TLE4: variants seen among roughly 807,000 people sequenced by gnomAD.
The protein encoded by TLE4 is TLE family member 4, transcriptional corepressor.
In TLE4, 8 loss-of-function variants were observed where a neutral mutation model predicts 92.8. The observed-to-expected ratio is 0.09, with a 90% CI of 0.05 to 0.16. TLE4 has a LOEUF of 0.16. TLE4 is among the 10% of genes least tolerant of loss of function. The pLI is 1.00. For synonymous variants in TLE4, 371 were observed against 374.1 expected (o/e 0.99, Z 0.10); for missense variants, 675 against 997.6 (o/e 0.68, Z 4.36).
chr9:79,726,182 G>A lies in TLE4; in HGVS notation c.*1038G>A, dbSNP rs2076361753. Reference sequence around the variant, plus strand: ...ACACAAAGAATGGACTCTCTCCTGGGATGAGGACTTGCTTTCTTTACCTCC... The same window carrying A: ...ACACAAAGAATGGACTCTCTCCTGGAATGAGGACTTGCTTTCTTTACCTCC... On this transcript the variant is annotated 3_prime_UTR_variant, in exon 20 of 20. Coordinates refer to ENST00000376552, the MANE Select transcript of TLE4 (RefSeq NM_007005.6). 6.6e-6 allele frequency: 1 copy of A among 152,656 alleles called. No homozygotes were observed. Among genetic ancestry groups the A allele is most frequent in the African/African-American group, 2.4e-5 (1 of 41,446 alleles). 9.5% of individuals were successfully genotyped at this position (152,656 alleles called of 1,614,324 possible). A position where few individuals can be genotyped will look rare whatever the true frequency, so the allele number is the denominator to read the frequency against.
At chr9:79,628,948 A>C (rs2053458808) in intron 6 of TLE4, among the ~76,000 whole-genome samples, 1 of 151,850 alleles carries the variant, frequency 6.6e-6, no homozygotes, top group Admixed American at 6.6e-5. Context: ...ACGTGTGTGC[A>C]CAAGTGCAGG....
intron 8 of TLE4, among the ~76,000 whole-genome samples, chr9:79,665,232 C>G (rs1310558046): frequency 2.6e-5 from 4 of 152,234 alleles, no homozygotes; most frequent in Admixed American, 2.6e-4. Context: ...GACTTTGAAA[C>G]CTGTTGGTAT....
intron 8 of TLE4, among the ~76,000 whole-genome samples, chr9:79,670,965 T>G (rs961234265): frequency 3.9e-5 from 6 of 152,246 alleles, no homozygotes; most frequent in Middle Eastern, 3.4e-3. Context: ...TTAAATTAAC[T>G]TGCATTCCAC....
intron 5 of TLE4, among the ~76,000 whole-genome samples, chr9:79,613,140 CT>C (rs1424566934): frequency 1.3e-5 from 2 of 152,098 alleles, no homozygotes; most frequent in East Asian, 3.9e-4. Flanking sequence ...AGTAAACAAA[CT>C]AATGAAGCTT....
At chr9:79,689,458 G>A (rs2066589267) in intron 8 of TLE4, among the ~76,000 whole-genome samples, 1 of 152,080 alleles carries the variant, frequency 6.6e-6, no homozygotes, top group African/African-American at 2.4e-5. Flanking sequence ...CTGAGGATGG[G>A]CAATTATCTC....
At chr9:79,636,092 C>T (rs1242364211) in intron 6 of TLE4, among the ~76,000 whole-genome samples, 1 of 152,046 alleles carries the variant, frequency 6.6e-6, no homozygotes. Flanking sequence ...TTTCATTCTA[C>T]ACACAGCAGC....
chr9:79,670,194 G>GA lies in TLE4; in HGVS notation c.609+16129dup, dbSNP rs989081191. Among the ~76,000 whole-genome samples the GA allele has an allele frequency of 1.2e-3, 160 of 135,528 alleles. 1 individual carries two copies. Among genetic ancestry groups the GA allele is most frequent in the African/African-American group, 3.1e-3 (113 of 36,848 alleles). The allele number at this position is 135,528 out of a possible 152,430, so 88.9% of individuals were successfully genotyped here. The stretch of plus-strand genomic sequence containing the variant: ...AGTAAAATGAGTAACAGTTAAATAA[G>GA]AAAAAAAAAAGAAAGAAAAAAAAAC... On this transcript the variant is annotated intron_variant, in intron 8 of 19. Transcript: ENST00000376552.
chr9:79,572,767 G>A lies in TLE4; in HGVS notation c.-24G>A. The A allele has an allele frequency of 6.3e-7, 1 of 1,597,262 alleles. No individual in the cohort carries two copies. The highest frequency in any genetic ancestry group is 8.5e-7 in the Non-Finnish European group (1 of 1,172,748). On this transcript the variant is annotated 5_prime_UTR_variant, in exon 1 of 20. Transcript: ENST00000376552. ...CCAATGAGCCGCGCGCCTCTGCCGA[G>A]CGCAGCCAACTAAATCGGCTTGGAT...
At chr9:79,668,796 A>G (rs2061805022) in intron 8 of TLE4, 2 of 985,040 alleles carry the variant, frequency 2.0e-6, no homozygotes, top group South Asian at 9.4e-5. Context: ...TAAACAAAAT[A>G]CTCTTTTGTA....
At chr9:79,594,474 A>G (rs2043459739) in intron 4 of TLE4, among the ~76,000 whole-genome samples, 1 of 151,846 alleles carries the variant, frequency 6.6e-6, no homozygotes, top group African/African-American at 2.4e-5. Context: ...CTTAAGCTCC[A>G]TCCAGACTCA....
At chr9:79,625,315 G>A (rs1264429924) in intron 5 of TLE4, among the ~76,000 whole-genome samples, 1 of 152,002 alleles carries the variant, frequency 6.6e-6, no homozygotes, top group Non-Finnish European at 1.5e-5. Flanking sequence ...CACCGCGCCC[G>A]GCCTTAAATC....
chr9:79,637,618 G>A (rs972501901), intron 6 of TLE4, among the ~76,000 whole-genome samples: 3 of 152,192 alleles, frequency 2.0e-5, no homozygotes, highest in African/African-American at 7.2e-5. Flanking sequence ...AGTCTAAATT[G>A]TCTGAATTAT....
intron 4 of TLE4, among the ~76,000 whole-genome samples, chr9:79,590,716 A>C (rs2042329491): frequency 6.6e-6 from 1 of 152,260 alleles, no homozygotes; most frequent in South Asian, 2.1e-4. Flanking sequence ...CCTTCTTCCC[A>C]GATTAGATTT....
At chr9:79,652,043 A>C (rs1459881385) in intron 6 of TLE4, among the ~76,000 whole-genome samples, 3 of 152,156 alleles carry the variant, frequency 2.0e-5, no homozygotes, top group Non-Finnish European at 4.4e-5. Context: ...TCACCACTTA[A>C]AAATTAAATT....
chr9:79,690,064 C>A (rs983266347), intron 8 of TLE4, among the ~76,000 whole-genome samples: 2 of 151,814 alleles, frequency 1.3e-5, no homozygotes, highest in African/African-American at 4.8e-5. Flanking sequence ...TGTCTCATTC[C>A]AACCATGACC....
At chr9:79,651,272 G>A (rs1180785659) in intron 6 of TLE4, among the ~76,000 whole-genome samples, 2 of 151,972 alleles carry the variant, frequency 1.3e-5, no homozygotes, top group East Asian at 3.9e-4. Flanking sequence ...TGAGTTGAAG[G>A]GATTCCTATT....
rs887719722 is a variant in TLE4, at chr9:79,653,049, A to T, written c.592+255A>T. The T allele has an allele frequency of 1.8e-4, 95 of 522,482 alleles. No homozygotes were observed. In the Admixed American group the frequency reaches 2.2e-3, roughly 12 times the overall value. The allele number at this position is 522,482 out of a possible 1,614,324, so 32.4% of individuals were successfully genotyped here. ...TGCCTTTGATTTCTTGCTACCTTCT[A>T]TGTTCCCCAGGTCTAAATCAGTAAT... is the stretch of plus-strand genomic sequence containing the variant. On this transcript the variant is annotated intron_variant, in intron 7 of 19. Transcript: ENST00000376552.
In TLE4 at chr9:79,706,905, C is replaced by T; in HGVS notation, c.936+6C>T. On this transcript the variant is annotated splice_donor_region_variant and intron_variant, in intron 11 of 19. Transcript: ENST00000376552. ...AATCCAAAGAACTTAGCCTTGTAAGCAGCTCCTTACCATCTCTCTGAGTGT... is the reference window on the plus strand; with the variant it reads ...AATCCAAAGAACTTAGCCTTGTAAGTAGCTCCTTACCATCTCTCTGAGTGT... The T allele has an allele frequency of 2.5e-6, 4 of 1,613,658 alleles. No homozygotes were observed. The highest frequency in any genetic ancestry group is 3.4e-6 in the Non-Finnish European group (4 of 1,179,782).
intron 4 of TLE4, among the ~76,000 whole-genome samples, chr9:79,607,355 G>T (rs533792133): frequency 4.6e-5 from 7 of 152,200 alleles, no homozygotes; most frequent in South Asian, 2.1e-4. Context: ...TTCTTTTGCC[G>T]TGTAGAAGCT....
Sources: allele counts gnomAD v4.1 joint callset (sites outside exome capture counted in the v4.1 genomes callset), GRCh38; gene constraint gnomAD v4.1.1; transcripts MANE v1.5; gene names NCBI Gene and HGNC (gene_info 2026-07-23, HGNC 2026-07-21).